The following FAAH2 variants were observed in gnomAD, a reference collection of about 807,000 sequenced individuals.
FAAH2 encodes fatty-acid amide hydrolase 2.
Under a neutral mutation model 36.9 loss-of-function variants are expected in FAAH2, and 60 were observed. The observed-to-expected ratio is 1.63, with a 90% CI of 1.32 to 2.02. FAAH2 has a LOEUF of 2.02. Among genes scored for constraint, FAAH2 ranks in the 30% most tolerant of loss-of-function variants. FAAH2 has a pLI of 0.00. For missense variants in FAAH2, 689 were observed against 397.5 expected, an observed-to-expected ratio of 1.73 and a Z score of -6.23; for synonymous variants, 214 against 143.8, an observed-to-expected ratio of 1.49 and a Z score of -3.49.
chrX:57,475,901 T>C (rs185923676), intron 10 of FAAH2, among the ~76,000 whole-genome samples: 128 of 111,512 alleles, frequency 1.1e-3, no homozygotes, highest in Non-Finnish European at 2.0e-3. Flanking sequence ...CTTGAAGAGG[T>C]CTTTCACGTC....
At chrX:57,444,308 G>T (rs995755043) in intron 8 of FAAH2, among the ~76,000 whole-genome samples, 12 of 111,979 alleles carry the variant, frequency 1.1e-4, no homozygotes, top group African/African-American at 3.6e-4. Flanking sequence ...CTCAGCAATG[G>T]CGGATGCCCC....
intron 2 of FAAH2, among the ~76,000 whole-genome samples, chrX:57,306,158 C>T (rs762992183): frequency 8.9e-6 from 1 of 111,914 alleles, no homozygotes; most frequent in South Asian, 3.8e-4. Context: ...CCTTCTGCTT[C>T]TTTTTGTGCA....
chrX:57,172,909 AG>A, the FAAH2 span, among the ~76,000 whole-genome samples: 1 of 111,940 alleles, frequency 8.9e-6, no homozygotes, highest in Non-Finnish European at 1.9e-5. Context: ...CTGACTGCTA[AG>A]GTCTCTGTGT....
intron 5 of FAAH2, among the ~76,000 whole-genome samples, chrX:57,346,497 A>G (rs1407711953): frequency 9.0e-6 from 1 of 111,696 alleles, no homozygotes. Context: ...CGTTGCTTTG[A>G]GCCTTTCAGT....
chrX:57,189,757 G>C, the FAAH2 span, among the ~76,000 whole-genome samples: 2 of 111,661 alleles, frequency 1.8e-5, no homozygotes, highest in South Asian at 7.5e-4. Context: ...CCTTCCTCTG[G>C]AAGCTTCATC....
intron 7 of FAAH2, among the ~76,000 whole-genome samples, chrX:57,390,274 G>A (rs1035436081): frequency 8.1e-5 from 9 of 111,314 alleles, no homozygotes; most frequent in Non-Finnish European, 1.3e-4. Flanking sequence ...CCAATGTCAC[G>A]GAGCTTTTTC....
intron 3 of FAAH2, among the ~76,000 whole-genome samples, chrX:57,322,205 T>A (rs1308314122): frequency 1.8e-5 from 2 of 111,768 alleles, no homozygotes; most frequent in African/African-American, 3.3e-5. Context: ...GGTTTCACCG[T>A]GGTCTCGATC....
intron 7 of FAAH2, among the ~76,000 whole-genome samples, chrX:57,383,170 C>T (rs148885032): frequency 7.3e-4 from 82 of 111,804 alleles, no homozygotes; most frequent in African/African-American, 2.6e-3. Context: ...ATTGATGGGA[C>T]GTAGCTCAAA....
At chrX:57,401,615 G>T (rs1008966742) in intron 7 of FAAH2, among the ~76,000 whole-genome samples, 1 of 111,417 alleles carries the variant, frequency 9.0e-6, no homozygotes, top group Non-Finnish European at 1.9e-5. Flanking sequence ...CTAGGCCTTG[G>T]GCTTTTAGGT....
chrX:57,183,916 A>T, the FAAH2 span, among the ~76,000 whole-genome samples: 1 of 110,364 alleles, frequency 9.1e-6, no homozygotes, highest in Admixed American at 9.7e-5. Flanking sequence ...CCTAGCAAGA[A>T]ATATTAATAT....
At chrX:57,205,526 A>G in the FAAH2 span, among the ~76,000 whole-genome samples, 5 of 112,365 alleles carry the variant, frequency 4.4e-5, no homozygotes, top group Admixed American at 2.8e-4. Context: ...TGAACCATGT[A>G]TGAAGAATCA....
At chrX:57,482,435 G>A (rs1262549062) in intron 10 of FAAH2, among the ~76,000 whole-genome samples, 2 of 111,691 alleles carry the variant, frequency 1.8e-5, no homozygotes, top group Non-Finnish European at 3.8e-5. Flanking sequence ...CATGGGAAAA[G>A]CATAGTAACC....
At chrX:57,141,755 G>A in the FAAH2 span, among the ~76,000 whole-genome samples, 1 of 110,585 alleles carries the variant, frequency 9.0e-6, no homozygotes, top group Non-Finnish European at 1.9e-5. Context: ...TTTATTTTCT[G>A]TGTTATTATA....
the FAAH2 span, among the ~76,000 whole-genome samples, chrX:57,276,950 A>G: frequency 9.0e-6 from 1 of 111,704 alleles, no homozygotes; most frequent in African/African-American, 3.3e-5. Context: ...ACCAACCAAA[A>G]AAAGTCCAGG....
chrX:57,177,416 C>T, the FAAH2 span, among the ~76,000 whole-genome samples: 1 of 104,979 alleles, frequency 9.5e-6, no homozygotes, highest in Non-Finnish European at 1.9e-5. Context: ...TGTAGTCACC[C>T]TGGAGTGTTT....
intron 5 of FAAH2, among the ~76,000 whole-genome samples, chrX:57,365,841 C>T (rs953346376): frequency 8.9e-6 from 1 of 112,112 alleles, no homozygotes. Context: ...TGGTCTGTTA[C>T]GTTATTAATG....
the FAAH2 span, among the ~76,000 whole-genome samples, chrX:57,159,046 C>T: frequency 8.9e-6 from 1 of 112,314 alleles, no homozygotes; most frequent in Non-Finnish European, 1.9e-5. Context: ...CCAGTTTCAG[C>T]TTTCTACATA....
At chrX:57,446,445 G>A (rs954379483) in intron 8 of FAAH2, among the ~76,000 whole-genome samples, 4 of 111,917 alleles carry the variant, frequency 3.6e-5, no homozygotes, top group Admixed American at 1.9e-4. Flanking sequence ...CATATACCAT[G>A]CAATGTGCCT....
Position 57,446,920 on chromosome X carries a change from A to G in FAAH2, c.1117-8A>G. 1.7e-6 allele frequency: 2 copies of G among 1,184,537 alleles called. No homozygotes were observed. Among genetic ancestry groups the G allele is most frequent in the East Asian group, 3.0e-5 (1 of 33,572 alleles). The stretch of plus-strand genomic sequence containing the variant: ...CTCTTGTATTTTATTTCTTTCCTTC[A>G]ATCTCAGGAACCTGTGAAATTTGTA... On this transcript the variant is annotated splice_region_variant and splice_polypyrimidine_tract_variant and intron_variant, in intron 8 of 10. Transcript: ENST00000374900.
Sources: gnomAD v4.1 joint callset for allele counts (sites outside exome capture counted in the v4.1 genomes callset) on GRCh38, gnomAD v4.1.1 for gene constraint, MANE v1.5 for transcripts, NCBI Gene and HGNC (gene_info 2026-07-23, HGNC 2026-07-21) for gene names.